Variants in DNAJC1 observed in about 807,000 individuals in gnomAD.
DNAJC1 encodes the protein dnaJ homolog subfamily C member 1.
In DNAJC1, 58 loss-of-function variants were observed where a neutral mutation model predicts 76.6. That is an observed-to-expected ratio of 0.76 (90% CI 0.61 to 0.94). DNAJC1 has a LOEUF of 0.94. DNAJC1 is among the 40% of genes least tolerant of loss of function. The pLI, the probability that DNAJC1 is intolerant of heterozygous loss-of-function variation, is 0.00. For missense variants in DNAJC1, 689 were observed against 677.3 expected, an observed-to-expected ratio of 1.02 and a Z score of -0.19; for synonymous variants, 258 against 267.9, an observed-to-expected ratio of 0.96 and a Z score of 0.36.
At position 21,945,651 on chromosome 10, in the gene DNAJC1, T is replaced by A. The variant is rs1461494246; in HGVS notation, c.223-16510A>T. 2.6e-5 allele frequency among the ~76,000 whole-genome samples: 4 copies of A among 152,142 alleles called. No individual in the cohort carries two copies. The East Asian group carries it at 7.7e-4, about 29-fold the overall frequency. On this transcript the variant is annotated intron_variant, in intron 1 of 11. Coordinates refer to ENST00000376980, the MANE Select transcript of DNAJC1 (RefSeq NM_022365.4). ...AGTATTTGAGTATAAATGTTATAGA[T>A]CTTGGCCATATATAAAATGTCACGG... is the stretch of plus-strand genomic sequence containing the variant.
chr10:21,810,384 C>T (rs1381219075), intron 8 of DNAJC1, among the ~76,000 whole-genome samples: 2 of 152,084 alleles, frequency 1.3e-5, no homozygotes, highest in African/African-American at 4.8e-5. Context: ...AACAAGGGTC[C>T]CCCTATAATC....
intron 1 of DNAJC1, among the ~76,000 whole-genome samples, chr10:21,998,311 A>T (rs1204926226): frequency 6.8e-6 from 1 of 146,250 alleles, no homozygotes; most frequent in African/African-American, 2.5e-5. Flanking sequence ...AATCGCGTGA[A>T]CCCAGGAGGC....
intron 9 of DNAJC1, among the ~76,000 whole-genome samples, chr10:21,804,392 A>C (rs1293332517): frequency 1.3e-5 from 2 of 152,074 alleles, no homozygotes; most frequent in Non-Finnish European, 2.9e-5. Context: ...ATAACTTTAA[A>C]AAATTATTTT....
chr10:21,952,616 A>T (rs545985741), intron 1 of DNAJC1, among the ~76,000 whole-genome samples: 2 of 152,150 alleles, frequency 1.3e-5, no homozygotes, highest in Non-Finnish European at 2.9e-5. Flanking sequence ...AAAATTATCC[A>T]GGCATAGTGG....
At chr10:21,814,796 A>C (rs1835048481) in intron 8 of DNAJC1, among the ~76,000 whole-genome samples, 1 of 152,230 alleles carries the variant, frequency 6.6e-6, no homozygotes, top group African/African-American at 2.4e-5. Flanking sequence ...TAGAATGCTA[A>C]ATCCAGTGAA....
intron 1 of DNAJC1, among the ~76,000 whole-genome samples, chr10:21,958,453 G>T (rs190531112): frequency 7.3e-5 from 11 of 150,190 alleles, no homozygotes; most frequent in Non-Finnish European, 1.5e-4. Context: ...TTTTGAGACG[G>T]AGTCTCGTTC....
chr10:21,813,212 CTCTCTCTCTATATATA>C (rs1835011242), intron 8 of DNAJC1, among the ~76,000 whole-genome samples: 1 of 52,074 alleles, frequency 1.9e-5, no homozygotes, highest in Admixed American at 1.9e-4. Flanking sequence ...CTCTCTCTCT[CTCTCTCTCTATATATA>C]TATATATATA....
In DNAJC1 at chr10:21,787,509, G is replaced by T. The variant is rs1247882024; in HGVS notation, c.1098+18471C>A. Among the ~76,000 whole-genome samples, 4 of 152,236 alleles carry T rather than the reference G, an allele frequency of 2.6e-5. No individual in the cohort carries two copies. The East Asian group carries it at 7.7e-4, about 29-fold the overall frequency. On this transcript the variant is annotated intron_variant, in intron 9 of 11. Transcript: ENST00000376980. ...CCGTAGTGCTCATCCCTTCCACAAA[G>T]ACAGCCAAAAACAATGAATAAACCA...
chr10:21,843,742 CTT>C (rs1156943907), intron 8 of DNAJC1, among the ~76,000 whole-genome samples: 28 of 137,676 alleles, frequency 2.0e-4, no homozygotes, highest in Admixed American at 2.9e-4. Flanking sequence ...ATTTTACAAT[CTT>C]TTTTTTTTTT....
intron 8 of DNAJC1, among the ~76,000 whole-genome samples, chr10:21,859,763 A>G (rs1835893215): frequency 6.6e-6 from 1 of 152,084 alleles, no homozygotes; most frequent in Non-Finnish European, 1.5e-5. Context: ...GGAAACTAAC[A>G]GATAAACTCT....
intron 8 of DNAJC1, among the ~76,000 whole-genome samples, chr10:21,851,611 C>A (rs937202953): frequency 5.9e-5 from 9 of 152,162 alleles, no homozygotes; most frequent in Non-Finnish European, 8.8e-5. Context: ...AAATTACCAT[C>A]ATCACCTAGC....
chr10:21,950,206 T>G (rs1055169703), intron 1 of DNAJC1, among the ~76,000 whole-genome samples: 6 of 152,166 alleles, frequency 3.9e-5, no homozygotes, highest in African/African-American at 1.4e-4. Flanking sequence ...TGGGTGCCAT[T>G]TTTCCAACAG....
chr10:21,880,040 T>C (rs1422726463), intron 8 of DNAJC1, among the ~76,000 whole-genome samples: 1 of 152,248 alleles, frequency 6.6e-6, no homozygotes, highest in Admixed American at 6.5e-5. Flanking sequence ...TCCTTTGTTG[T>C]CATTTCAACA....
chr10:22,003,317 CCAGCAGCAG>C lies in DNAJC1; in HGVS notation c.109_117del (p.Leu37_Leu39del). ...CAGCCGCGCGCCGGCGCCACGGCGGCCAGCAGCAGCAGCAGCAGCCACAGCAGCGGCGTC... is the reference window on the plus strand; with the variant it reads ...CAGCCGCGCGCCGGCGCCACGGCGGCCAGCAGCAGCCACAGCAGCGGCGTC... On this transcript the variant is annotated inframe_deletion, in exon 1 of 12. Coordinates refer to ENST00000376980, the MANE Select transcript of DNAJC1 (RefSeq NM_022365.4). 1.3e-6 allele frequency: 2 copies of C among 1,517,322 alleles called. No homozygotes were observed. The highest frequency in any genetic ancestry group is 1.8e-6 in the Non-Finnish European group (2 of 1,132,776). The allele number at this position is 1,517,322 out of a possible 1,614,324, so 94.0% of individuals were successfully genotyped here. A position where few individuals can be genotyped will look rare whatever the true frequency, so the allele number is the denominator to read the frequency against.
chr10:21,786,253 G>A (rs529425547), intron 9 of DNAJC1, among the ~76,000 whole-genome samples: 1 of 151,660 alleles, frequency 6.6e-6, no homozygotes, highest in Non-Finnish European at 1.5e-5. Context: ...GTTACAATAT[G>A]ATAAAGATAA....
At chr10:21,919,712 T>TTAA (rs1445085005) in intron 5 of DNAJC1, 120 bp downstream of exon 5, 2 of 620,158 alleles carry the variant, frequency 3.2e-6, no homozygotes, top group African/African-American at 1.9e-5. Context: ...TAGTCTTTTA[T>TTAA]AAGACTACCA....
At chr10:21,934,954 A>C (rs1837287317) in intron 1 of DNAJC1, among the ~76,000 whole-genome samples, 1 of 152,202 alleles carries the variant, frequency 6.6e-6, no homozygotes, top group South Asian at 2.1e-4. Flanking sequence ...GAACTTTACA[A>C]AAGTGTCTAT....
intron 8 of DNAJC1, among the ~76,000 whole-genome samples, chr10:21,825,439 A>G (rs532861472): frequency 2.6e-5 from 4 of 152,314 alleles, no homozygotes; most frequent in Non-Finnish European, 5.9e-5. Flanking sequence ...AGTGATGAAC[A>G]TCTGGGCTCC....
At chr10:21,909,062 T>C (rs1836809441) in intron 6 of DNAJC1, among the ~76,000 whole-genome samples, 1 of 152,078 alleles carries the variant, frequency 6.6e-6, no homozygotes, top group Non-Finnish European at 1.5e-5. Context: ...AATTTTTGTA[T>C]TTTTTAGTAG....
Sources: gnomAD v4.1 joint callset for allele counts (sites outside exome capture counted in the v4.1 genomes callset) on GRCh38, gnomAD v4.1.1 for gene constraint, MANE v1.5 for transcripts, NCBI Gene and HGNC (gene_info 2026-07-23, HGNC 2026-07-21) for gene names.